ACO1: variants seen among roughly 807,000 people sequenced by gnomAD.
ACO1 encodes cytoplasmic aconitate hydratase.
Under a neutral mutation model 105.1 loss-of-function variants are expected in ACO1, and 78 were observed. The ratio of observed to expected loss-of-function variants is 0.74; its 90% CI spans 0.62 to 0.90. ACO1 has a LOEUF of 0.90. Among genes scored for constraint, ACO1 ranks in the 40% least tolerant of loss-of-function variants. The pLI is 0.00. For synonymous variants in ACO1, 364 were observed against 397.4 expected (o/e 0.92, Z 1.00); for missense variants, 965 against 1,111.1 (o/e 0.87, Z 1.87).
In ACO1 at chr9:32,416,157, C is replaced by T. The variant is rs147161520; in HGVS notation, c.405-1971C>T. 8.3e-4 allele frequency among the ~76,000 whole-genome samples: 124 copies of T among 149,954 alleles called. 1 individual carries two copies. Among genetic ancestry groups the T allele is most frequent in the Admixed American group, 8.1e-3 (122 of 15,022 alleles). On this transcript the variant is annotated intron_variant, in intron 4 of 20. Coordinates refer to ENST00000309951, the MANE Select transcript of ACO1 (RefSeq NM_002197.3). ...TCGCCCAAGTTGGAGTGCAGTGGCG[C>T]GATCTTGGCTCACTGCAACCTCCAC...
chr9:32,399,448 C>G (rs1445976544), intron 1 of ACO1, among the ~76,000 whole-genome samples: 2 of 152,212 alleles, frequency 1.3e-5, no homozygotes, highest in African/African-American at 4.8e-5. Flanking sequence ...TTGAGTACCT[C>G]CACTCACTGC....
chr9:32,452,837 A>G lies in ACO1; in HGVS notation c.*2726A>G, dbSNP rs1822798011. On this transcript the variant is annotated 3_prime_UTR_variant, in exon 21 of 21. Transcript: ENST00000309951. ...AATAAAATAAATCAGCCAGGTGTGC[A>G]CCTGTGGTCCCAGCTGTTCAGGAGG... is the stretch of plus-strand genomic sequence containing the variant. 1 of 151,942 alleles carries G rather than the reference A, an allele frequency of 6.6e-6. No individual in the cohort carries two copies. 9.4% of individuals were successfully genotyped at this position (151,942 alleles called of 1,614,324 possible).
intron 1 of ACO1, among the ~76,000 whole-genome samples, chr9:32,403,058 C>T (rs1009280513): frequency 2.0e-5 from 3 of 152,166 alleles, no homozygotes; most frequent in Non-Finnish European, 4.4e-5. Context: ...GAGGATTTCC[C>T]ATGACTTTCC....
At chr9:32,441,215 C>T (rs767304614) in intron 19 of ACO1, among the ~76,000 whole-genome samples, 2 of 152,126 alleles carry the variant, frequency 1.3e-5, no homozygotes, top group Non-Finnish European at 2.9e-5. Context: ...TCCGCCATCT[C>T]GGGGCTCTAC....
chr9:32,391,093 A>G (rs1265518542), intron 1 of ACO1, among the ~76,000 whole-genome samples: 1 of 152,242 alleles, frequency 6.6e-6, no homozygotes, highest in Non-Finnish European at 1.5e-5. Context: ...CTCATGAATT[A>G]TGGTAGCTCA....
At position 32,418,390 on chromosome 9, in the gene ACO1, G is replaced by A. The variant is rs1446022106; in HGVS notation, c.537G>A (p.Gln179=). 8 of 1,614,060 alleles carry A rather than the reference G, an allele frequency of 5.0e-6. No individual in the cohort carries two copies. The highest frequency in any genetic ancestry group is 5.9e-6 in the Non-Finnish European group (7 of 1,180,034). The change falls in exon 6 of 21, where the codon CAG becomes CAA. Residue 179 remains glutamine, a synonymous_variant. Transcript: ENST00000309951. The part of the protein sequence containing the change: ...IIPPGSGIIH[Q]VNLEYLARVV... Reference sequence around the variant, plus strand: ...CCCCTGGCTCAGGAATCATCCACCAGGTGAATTTGGAATATTTGGCAAGAG... The same window carrying A: ...CCCCTGGCTCAGGAATCATCCACCAAGTGAATTTGGAATATTTGGCAAGAG...
intron 15 of ACO1, 83 bp downstream of exon 15, chr9:32,431,926 C>A: frequency 2.0e-6 from 3 of 1,497,316 alleles, no homozygotes; most frequent in Non-Finnish European, 2.7e-6. Flanking sequence ...GACCTCAAGG[C>A]TAACGGAAGT....
intron 1 of ACO1, among the ~76,000 whole-genome samples, chr9:32,396,120 T>G (rs1284743396): frequency 6.6e-6 from 1 of 152,276 alleles, no homozygotes; most frequent in Non-Finnish European, 1.5e-5. Flanking sequence ...CCAGTGTTAC[T>G]TAATAATGAA....
At chr9:32,416,483 C>G (rs13292540) in intron 4 of ACO1, among the ~76,000 whole-genome samples, 1 of 151,952 alleles carries the variant, frequency 6.6e-6, no homozygotes, top group Non-Finnish European at 1.5e-5. Context: ...GCTGACTCAC[C>G]GTCATCCTTC....
rs866090022 is a variant in ACO1, at chr9:32,427,478, T to G, written c.1484+42T>G. 1.4e-5 allele frequency: 23 copies of G among 1,613,060 alleles called. No individual in the cohort carries two copies. The Middle Eastern group carries it at 3.8e-3, about 266-fold the overall frequency. ...TTTTGCACCATTGCTTTTGTTGAAT[T>G]GTATCCCTCATGTATCTTGCTGTGT... is the stretch of plus-strand genomic sequence containing the variant. On this transcript the variant is annotated intron_variant, in intron 12 of 20. Transcript: ENST00000309951.
At chr9:32,426,031 C>T in intron 11 of ACO1, 34 bp downstream of exon 11, 1 of 1,604,658 alleles carries the variant, frequency 6.2e-7, no homozygotes, top group Non-Finnish European at 8.5e-7. Flanking sequence ...CATGGTCATA[C>T]ATGTGTGTAG....
chr9:32,450,246 T>G lies in ACO1; in HGVS notation c.*135T>G, dbSNP rs755328921. ...ATGGAGCAAGTGAGCACTGAGGGTC[T>G]GGTGCCAATCCTGTAGGCACAAAAC... On this transcript the variant is annotated 3_prime_UTR_variant, in exon 21 of 21. Transcript: ENST00000309951. 3.9e-6 allele frequency: 3 copies of G among 768,352 alleles called. No individual in the cohort carries two copies. Among genetic ancestry groups the G allele is most frequent in the Non-Finnish European group, 7.2e-6 (3 of 418,328 alleles). The allele number at this position is 768,352 out of a possible 1,614,324, so 47.6% of individuals were successfully genotyped here.
intron 8 of ACO1, among the ~76,000 whole-genome samples, chr9:32,422,810 G>C (rs1245559656): frequency 6.6e-6 from 1 of 152,180 alleles, no homozygotes; most frequent in Admixed American, 6.5e-5. Flanking sequence ...TGTATCTTAA[G>C]ACTATGATAA....
intron 1 of ACO1, among the ~76,000 whole-genome samples, chr9:32,390,858 T>C (rs956767905): frequency 3.8e-4 from 58 of 152,190 alleles, no homozygotes; most frequent in Non-Finnish European, 7.6e-4. Flanking sequence ...TTCACAAATA[T>C]ATCTGGAGCC....
At chr9:32,386,291 T>G (rs1177559918) in intron 1 of ACO1, 1 of 152,242 alleles carries the variant, frequency 6.6e-6, no homozygotes, top group Non-Finnish European at 1.5e-5. Context: ...CATTTCTGTT[T>G]GCAGTTGCAT....
chr9:32,393,602 T>G (rs765832206), intron 1 of ACO1, among the ~76,000 whole-genome samples: 4 of 152,178 alleles, frequency 2.6e-5, no homozygotes, highest in Non-Finnish European at 4.4e-5. Context: ...CACACCCTAT[T>G]CATACACTCC....
intron 12 of ACO1, among the ~76,000 whole-genome samples, chr9:32,428,634 C>T (rs1281404865): frequency 1.3e-5 from 2 of 151,980 alleles, no homozygotes; most frequent in Non-Finnish European, 2.9e-5. Flanking sequence ...ATCATGAGAT[C>T]GAGACCATCC....
Position 32,405,738 on chromosome 9 carries a change from C to G in ACO1, c.97+135C>G, listed in dbSNP as rs535998145. ...AATGTTCTTGGATTAAGTGCACAAG[C>G]ACTCACATGCCTTTCCTACATTAGT... On this transcript the variant is annotated intron_variant, in intron 2 of 20. Transcript: ENST00000309951. The G allele has an allele frequency of 4.7e-6, 3 of 635,032 alleles. No individual in the cohort carries two copies. The African/African-American group carries it at 5.5e-5, about 12-fold the overall frequency. 39.3% of individuals were successfully genotyped at this position (635,032 alleles called of 1,614,324 possible).
chr9:32,411,575 C>T (rs1159468739), intron 4 of ACO1, among the ~76,000 whole-genome samples: 1 of 151,768 alleles, frequency 6.6e-6, no homozygotes, highest in Non-Finnish European at 1.5e-5. Context: ...GATAAATGGG[C>T]AAAGGAAAGT....
Sources: gnomAD v4.1 joint callset for allele counts (sites outside exome capture counted in the v4.1 genomes callset) on GRCh38, gnomAD v4.1.1 for gene constraint, MANE v1.5 for transcripts, NCBI Gene and HGNC (gene_info 2026-07-23, HGNC 2026-07-21) for gene names.